TECRL: variants seen among roughly 807,000 people sequenced by gnomAD.
TECRL encodes the protein trans-2,3-enoyl-CoA reductase-like.
TECRL carries 63 observed loss-of-function variants against 52.8 expected under a neutral mutation model. The ratio of observed to expected loss-of-function variants is 1.19; its 90% CI spans 0.97 to 1.47. The LOEUF (loss-of-function observed/expected upper bound fraction) is 1.47, where lower values mean the gene tolerates loss of function less well. Among genes scored for constraint, TECRL ranks in the 40% most tolerant of loss-of-function variants. The probability of loss-of-function intolerance (pLI) is 0.00; values close to 1 mark genes in which losing one functional copy is unlikely to be tolerated. For synonymous variants in TECRL, 164 were observed against 141.9 expected, an observed-to-expected ratio of 1.16 and a Z score of -1.10; for missense variants, 482 against 429.6, an observed-to-expected ratio of 1.12 and a Z score of -1.08.
rs777171822 is a variant in TECRL at position 64,345,907 on chromosome 4, CAAAA to C, written c.287-17355_287-17352del. Among the ~76,000 whole-genome samples the C allele has an allele frequency of 9.9e-4, 23 of 23,348 alleles. No individual in the cohort carries two copies. The East Asian group carries it at 0.023, about 23-fold the overall frequency. The allele number at this position is 23,348 out of a possible 152,430, so 15.3% of individuals were successfully genotyped here. On this transcript the variant is annotated intron_variant, in intron 2 of 11. Transcript: ENST00000381210. Reference sequence around the variant, plus strand: ...CCAACACTGATGGGTGCCTCAACAGCAAAAAAAAAAAAAAAAAAAAAAAACATTT... The same window carrying C: ...CCAACACTGATGGGTGCCTCAACAGCAAAAAAAAAAAAAAAAAAAACATTT...
At chr4:64,303,120 CTATT>C (rs1257130550) in intron 7 of TECRL, among the ~76,000 whole-genome samples, 4 of 151,086 alleles carry the variant, frequency 2.6e-5, no homozygotes, top group Admixed American at 2.6e-4. Flanking sequence ...TAAAATAAAT[CTATT>C]AATTATAATC....
At chr4:64,348,608 G>C (rs182609990) in intron 2 of TECRL, among the ~76,000 whole-genome samples, 3 of 152,038 alleles carry the variant, frequency 2.0e-5, no homozygotes, top group African/African-American at 7.2e-5. Context: ...GATCACTTCT[G>C]TCTCATCTAC....
At chr4:64,401,905 G>A (rs6837467) in intron 1 of TECRL, among the ~76,000 whole-genome samples, 6,254 of 151,948 alleles carry the variant, frequency 0.041, 134 homozygotes, top group Non-Finnish European at 0.048. Context: ...TCCTTTAATG[G>A]TTAGCATTTC....
At chr4:64,355,471 G>A (rs912212538) in intron 2 of TECRL, among the ~76,000 whole-genome samples, 1 of 152,062 alleles carries the variant, frequency 6.6e-6, no homozygotes, top group Non-Finnish European at 1.5e-5. Context: ...AAGAGATTAT[G>A]TAAAAGGGAA....
At chr4:64,307,746 G>A (rs1724423852) in intron 6 of TECRL, among the ~76,000 whole-genome samples, 1 of 152,142 alleles carries the variant, frequency 6.6e-6, no homozygotes, top group Non-Finnish European at 1.5e-5. Context: ...TGTTCTAAAA[G>A]GATGATATGT....
downstream of TECRL, among the ~76,000 whole-genome samples, chr4:64,277,229 C>T (rs539070374): frequency 1.5e-4 from 23 of 151,950 alleles, 1 homozygote; most frequent in Middle Eastern, 3.4e-3. Context: ...ATAGGTACCC[C>T]ATACTTAAAG....
intron 1 of TECRL, among the ~76,000 whole-genome samples, chr4:64,403,151 T>G (rs966409545): frequency 1.3e-5 from 2 of 152,040 alleles, no homozygotes; most frequent in Non-Finnish European, 1.5e-5. Flanking sequence ...CTGAAGTTTC[T>G]CAGGCCTCTG....
intron 11 of TECRL, among the ~76,000 whole-genome samples, chr4:64,280,450 C>T (rs908215478): frequency 6.6e-6 from 1 of 152,002 alleles, no homozygotes; most frequent in Non-Finnish European, 1.5e-5. Context: ...ACAAAATATT[C>T]CCAAATAAGG....
At chr4:64,319,790 C>A (rs903914654) in intron 4 of TECRL, among the ~76,000 whole-genome samples, 1 of 151,794 alleles carries the variant, frequency 6.6e-6, no homozygotes, top group East Asian at 1.9e-4. Flanking sequence ...ATTATTGATA[C>A]AAACAAAAAT....
At chr4:64,303,139 T>A (rs574270308) in intron 7 of TECRL, among the ~76,000 whole-genome samples, 4 of 151,366 alleles carry the variant, frequency 2.6e-5, no homozygotes, top group African/African-American at 9.7e-5. Flanking sequence ...ATAATCAAAG[T>A]TTTGAAATGG....
chr4:64,330,337 C>T (rs1012515795), intron 2 of TECRL, among the ~76,000 whole-genome samples: 1 of 151,972 alleles, frequency 6.6e-6, no homozygotes, highest in East Asian at 1.9e-4. Context: ...TGAACATTAG[C>T]GACCTCTTAA....
At chr4:64,396,419 T>G (rs1723958493) in intron 1 of TECRL, among the ~76,000 whole-genome samples, 1 of 152,188 alleles carries the variant, frequency 6.6e-6, no homozygotes, top group South Asian at 2.1e-4. Context: ...TCTCTAATGA[T>G]TAGTAATGTT....
chr4:64,295,633 G>A (rs1178454841), intron 8 of TECRL, among the ~76,000 whole-genome samples: 1 of 151,662 alleles, frequency 6.6e-6, no homozygotes, highest in Non-Finnish European at 1.5e-5. Context: ...AGTAAATGAT[G>A]TTTGAAAACA....
At chr4:64,357,243 G>A (rs1236498197) in intron 2 of TECRL, among the ~76,000 whole-genome samples, 1 of 151,904 alleles carries the variant, frequency 6.6e-6, no homozygotes, top group South Asian at 2.1e-4. Context: ...GTCATGGAAA[G>A]ATAAGAATTG....
chr4:64,336,076 C>T (rs1041917731), intron 2 of TECRL, among the ~76,000 whole-genome samples: 11 of 152,008 alleles, frequency 7.2e-5, no homozygotes, highest in South Asian at 2.1e-4. Flanking sequence ...GGAATAGTTT[C>T]GGAAGGAATG....
At chr4:64,338,325 A>G (rs909983659) in intron 2 of TECRL, among the ~76,000 whole-genome samples, 1 of 152,224 alleles carries the variant, frequency 6.6e-6, no homozygotes, top group African/African-American at 2.4e-5. Context: ...AAACCATAAA[A>G]TACCTAGAAG....
intron 1 of TECRL, among the ~76,000 whole-genome samples, chr4:64,400,786 C>T (rs1164027704): frequency 6.6e-6 from 1 of 152,078 alleles, no homozygotes; most frequent in African/African-American, 2.4e-5. Context: ...CATTCTGCAA[C>T]AATTGGAAAC....
At chr4:64,361,350 G>A (rs765371027) in intron 2 of TECRL, among the ~76,000 whole-genome samples, 5 of 152,072 alleles carry the variant, frequency 3.3e-5, no homozygotes, top group East Asian at 1.9e-4. Flanking sequence ...CAATGTACAC[G>A]TGTGTGTATA....
At chr4:64,303,226 A>G (rs776480369) in intron 7 of TECRL, among the ~76,000 whole-genome samples, 5 of 120,614 alleles carry the variant, frequency 4.1e-5, no homozygotes, top group Non-Finnish European at 5.8e-5. Flanking sequence ...TATAGAAAAT[A>G]GTGAAATTTT....
Sources: allele counts gnomAD v4.1 joint callset (sites outside exome capture counted in the v4.1 genomes callset), GRCh38; gene constraint gnomAD v4.1.1; transcripts MANE v1.5; gene names NCBI Gene and HGNC (gene_info 2026-07-23, HGNC 2026-07-21).